Variants in KIF4A observed in about 807,000 individuals in gnomAD.
KIF4A encodes chromosome-associated kinesin KIF4A.
Under a neutral mutation model 105.9 loss-of-function variants are expected in KIF4A, and 7 were observed. The ratio of observed to expected loss-of-function variants is 0.07; its 90% confidence interval spans 0.04 to 0.12. The LOEUF (loss-of-function observed/expected upper bound fraction) is 0.12, where lower values mean the gene tolerates loss of function less well. KIF4A is among the 10% of genes least tolerant of loss of function. KIF4A has a pLI of 1.00. For missense variants in KIF4A, 558 were observed against 929.2 expected (o/e 0.60, Z 5.19); for synonymous variants, 281 against 331.3 (o/e 0.85, Z 1.65).
intron 9 of KIF4A, among the ~76,000 whole-genome samples, chrX:70,331,903 C>T (rs1360627193): frequency 8.9e-6 from 1 of 111,896 alleles, no homozygotes; most frequent in African/African-American, 3.3e-5. Flanking sequence ...GTAGTCTAAG[C>T]GAGAGATAAT....
chrX:70,365,557 G>A (rs1354076929), intron 15 of KIF4A, among the ~76,000 whole-genome samples: 9 of 111,737 alleles, frequency 8.1e-5, no homozygotes, highest in African/African-American at 2.6e-4. Context: ...ATTGATTTTC[G>A]TATGTTGAAC....
Position 70,346,961 on chromosome X carries a change from G to A in KIF4A, c.1431+2979G>A, listed in dbSNP as rs1288412164. On this transcript the variant is annotated intron_variant, in intron 13 of 30. Transcript: ENST00000374403. ...GAACACCCCCTTTTCCATTATAAAG[G>A]CAACCATTGTTCCTAGATATTCTTC... is the stretch of plus-strand genomic sequence containing the variant. 3.6e-5 allele frequency among the ~76,000 whole-genome samples: 4 copies of A among 111,488 alleles called. No homozygotes were observed. The Admixed American group carries it at 3.8e-4, about 11-fold the overall frequency.
intron 20 of KIF4A, among the ~76,000 whole-genome samples, chrX:70,395,117 G>T (rs1274286362): frequency 9.0e-6 from 1 of 111,491 alleles, no homozygotes; most frequent in Non-Finnish European, 1.9e-5. Flanking sequence ...GTGGTGGCGC[G>T]TGCTTGTAAT....
At chrX:70,387,741 G>A (rs1250578298) in intron 20 of KIF4A, among the ~76,000 whole-genome samples, 1 of 111,492 alleles carries the variant, frequency 9.0e-6, no homozygotes, top group Non-Finnish European at 1.9e-5. Flanking sequence ...GGTGACAGGT[G>A]CCTGTAATCC....
chrX:70,303,561 TG>T (rs1174238565), intron 7 of KIF4A, among the ~76,000 whole-genome samples: 1 of 112,162 alleles, frequency 8.9e-6, no homozygotes, highest in Non-Finnish European at 1.9e-5. Flanking sequence ...TTCAGCTTTT[TG>T]TTCTGAGTGT....
Position 70,418,013 on chromosome X carries a change from A to G in KIF4A, c.3372+9A>G, listed in dbSNP as rs1470402566. 3 of 1,182,826 alleles carry G rather than the reference A, an allele frequency of 2.5e-6. No homozygotes were observed. Among genetic ancestry groups the G allele is most frequent in the Non-Finnish European group, 1.1e-6 (1 of 874,698 alleles). On this transcript the variant is annotated intron_variant, in intron 29 of 30. Transcript: ENST00000374403. ...ACCGCCAGCAAGGCAAGGTAGGATC[A>G]GGGCTGTTTCCTCTCCCCTTCCCTT...
chrX:70,384,519 G>A (rs144546868), intron 18 of KIF4A, among the ~76,000 whole-genome samples: 6,338 of 109,918 alleles, frequency 0.058, 184 homozygotes, highest in Middle Eastern at 0.092. Context: ...TCAGGAGTTC[G>A]AGACCAGCCT....
chrX:70,404,271 G>C (rs997961765), intron 24 of KIF4A, among the ~76,000 whole-genome samples: 2 of 111,774 alleles, frequency 1.8e-5, no homozygotes, highest in Admixed American at 1.9e-4. Context: ...TTAACATGCT[G>C]AGAAACAGGC....
intron 10 of KIF4A, among the ~76,000 whole-genome samples, chrX:70,336,363 G>C (rs1311281529): frequency 8.9e-6 from 1 of 111,735 alleles, no homozygotes; most frequent in Non-Finnish European, 1.9e-5. Flanking sequence ...TATCTTAAGG[G>C]TAAATTTCTA....
At chrX:70,367,063 G>C (rs955759478) in intron 15 of KIF4A, among the ~76,000 whole-genome samples, 1 of 111,427 alleles carries the variant, frequency 9.0e-6, no homozygotes, top group Non-Finnish European at 1.9e-5. Context: ...TCCAAGACTA[G>C]GATTCCAACC....
intron 15 of KIF4A, among the ~76,000 whole-genome samples, chrX:70,358,736 A>G (rs2086062038): frequency 8.9e-6 from 1 of 112,245 alleles, no homozygotes; most frequent in South Asian, 3.7e-4. Flanking sequence ...CATATTTAAG[A>G]GGGAGGCACT....
chrX:70,369,641 T>C (rs1173084517), intron 15 of KIF4A, among the ~76,000 whole-genome samples: 1 of 111,859 alleles, frequency 8.9e-6, no homozygotes, highest in Non-Finnish European at 1.9e-5. Context: ...TAGCAGAATA[T>C]TTCATTATGG....
At chrX:70,381,859 A>C (rs1187503302) in intron 18 of KIF4A, among the ~76,000 whole-genome samples, 8 of 111,883 alleles carry the variant, frequency 7.2e-5, no homozygotes, top group Admixed American at 6.7e-4. Flanking sequence ...GGGACCTAGA[A>C]TATTCAAAGC....
At chrX:70,386,039 GC>G (rs2147729112) in intron 18 of KIF4A, among the ~76,000 whole-genome samples, 1 of 109,942 alleles carries the variant, frequency 9.1e-6, no homozygotes, top group Non-Finnish European at 1.9e-5. Flanking sequence ...TCCTTTTAGA[GC>G]CCCCAATGTC....
intron 15 of KIF4A, among the ~76,000 whole-genome samples, chrX:70,372,657 GGGGAGAGGGAGACAGA>G (rs1184020153): frequency 2.7e-5 from 3 of 111,983 alleles, no homozygotes; most frequent in South Asian, 7.4e-4. Context: ...GGGAGACCGT[GGGGAGAGGGAGACAGA>G]GGGAGAGGGA....
At chrX:70,382,588 C>T (rs1487507730) in intron 18 of KIF4A, among the ~76,000 whole-genome samples, 1 of 112,040 alleles carries the variant, frequency 8.9e-6, no homozygotes, top group Non-Finnish European at 1.9e-5. Flanking sequence ...ACCTAAAGTA[C>T]AAACAGCTAA....
intron 18 of KIF4A, among the ~76,000 whole-genome samples, chrX:70,384,051 A>G (rs1430494490): frequency 2.7e-5 from 3 of 112,088 alleles, no homozygotes; most frequent in Non-Finnish European, 5.6e-5. Context: ...TGGTATGTGA[A>G]TTATATCTCA....
At chrX:70,386,435 C>T (rs2086217849) in intron 18 of KIF4A, among the ~76,000 whole-genome samples, 183 bp from the exon 19 acceptor site, 1 of 111,707 alleles carries the variant, frequency 9.0e-6, no homozygotes, top group Non-Finnish European at 1.9e-5. Context: ...AAAACCACTT[C>T]CCCTCTACAC....
In KIF4A at chrX:70,369,632, A is replaced by G. The variant is rs140610251; in HGVS notation, c.1675-4519A>G. 5.4e-3 allele frequency among the ~76,000 whole-genome samples: 600 copies of G among 112,013 alleles called. 4 individuals are homozygous for G. The highest frequency in any genetic ancestry group is 0.051 in the Middle Eastern group (11 of 214). On this transcript the variant is annotated intron_variant, in intron 15 of 30. Coordinates refer to ENST00000374403, the MANE Select transcript of KIF4A (RefSeq NM_012310.5). ...TTGCACATGTGCACAGAAATCATGTAGCAGAATATTTCATTATGGAAAAAA... is the reference window on the plus strand; with the variant it reads ...TTGCACATGTGCACAGAAATCATGTGGCAGAATATTTCATTATGGAAAAAA...
Sources: allele counts gnomAD v4.1 joint callset (sites outside exome capture counted in the v4.1 genomes callset), GRCh38; gene constraint gnomAD v4.1.1; transcripts MANE v1.5; gene names NCBI Gene and HGNC (gene_info 2026-07-23, HGNC 2026-07-21).